GGA3: variants seen among roughly 807,000 people sequenced by gnomAD.
The protein encoded by GGA3 is ADP-ribosylation factor-binding protein GGA3.
In GGA3, 57 loss-of-function variants were observed where a neutral mutation model predicts 77.5. That is an observed-to-expected ratio of 0.74 (90% CI 0.59 to 0.92). GGA3 has a LOEUF of 0.92. Ranked by LOEUF, GGA3 falls within the 40% of genes least tolerant of loss-of-function variation. The probability of loss-of-function intolerance (pLI) is 0.00; values close to 1 mark genes in which losing one functional copy is unlikely to be tolerated. For synonymous variants in GGA3, 416 were observed against 383.7 expected (o/e 1.08, Z -0.98); for missense variants, 970 against 914.9 (o/e 1.06, Z -0.78).
In GGA3 at chr17:75,243,435, G is replaced by A. The variant is rs1333190574; in HGVS notation, c.424+12C>T. On this transcript the variant is annotated intron_variant, in intron 5 of 16. Coordinates refer to ENST00000537686, the MANE Select transcript of GGA3 (RefSeq NM_138619.4). ...AGGGCTGCCTGGAGGCTGCGGGCAG[G>A]CAGACACGTACCCTGTCTCTTCAGC... 2 of 1,613,882 alleles carry A rather than the reference G, an allele frequency of 1.2e-6. No individual in the cohort carries two copies. The highest frequency in any genetic ancestry group is 1.3e-5 in the African/African-American group (1 of 75,034).
rs767252545 is a variant in GGA3, at chr17:75,241,022, CGAT to C, written c.979_981del (p.Ile327del). The C allele has an allele frequency of 6.2e-7, 1 of 1,614,074 alleles. No individual in the cohort carries two copies. Among genetic ancestry groups the C allele is most frequent in the East Asian group, 2.2e-5 (1 of 44,860 alleles). ...TTGGTCGTGTCCAGCTCCGCAAGGTCGATGAGCGTGCCTTGGTTACTGCACTGA... is the reference window on the plus strand; with the variant it reads ...TTGGTCGTGTCCAGCTCCGCAAGGTCGAGCGTGCCTTGGTTACTGCACTGA... On this transcript the variant is annotated inframe_deletion, in exon 11 of 17. Transcript: ENST00000537686.
chr17:75,242,969 A>AC, intron 6 of GGA3, 58 bp from the exon 7 acceptor site: 1 of 1,500,736 alleles, frequency 6.7e-7, no homozygotes, highest in Non-Finnish European at 9.3e-7. Flanking sequence ...CCCCAGGGAA[A>AC]CCCCAGAGGC....
intron 1 of GGA3, among the ~76,000 whole-genome samples, chr17:75,249,746 T>C (rs867539751): frequency 5.8e-4 from 89 of 152,294 alleles, no homozygotes; most frequent in African/African-American, 2.0e-3. Context: ...TCACTTTCAC[T>C]TTTTGCACGG....
chr17:75,246,641 C>T (rs1321285150), intron 2 of GGA3, 57 bp from the exon 3 acceptor site: 13 of 1,589,856 alleles, frequency 8.2e-6, no homozygotes, highest in Middle Eastern at 1.7e-4. Context: ...CCTGGCTGGC[C>T]CTCCTTGGCC....
chr17:75,261,353 A>G (rs1190703109), intron 1 of GGA3, among the ~76,000 whole-genome samples, 195 bp downstream of exon 1: 1 of 152,188 alleles, frequency 6.6e-6, no homozygotes, highest in Non-Finnish European at 1.5e-5. Flanking sequence ...CGCCGCAGCG[A>G]GGGAAGCGGG....
At position 75,240,938 on chromosome 17, in the gene GGA3, G is replaced by A. The variant is rs1326714715; in HGVS notation, c.1066C>T (p.Leu356Phe). The A allele has an allele frequency of 1.9e-6, 3 of 1,614,096 alleles. No individual in the cohort carries two copies. Among genetic ancestry groups the A allele is most frequent in the South Asian group, 1.1e-5 (1 of 91,080 alleles). ...CCTGAGGCCTGGGGTGGTGGAGGGA[G>A]GATTGGGATGCCTGAGGAGGGTGGA... ...PTPPSSGIPI[L>F]PPPPQASGPP... The change falls in exon 11 of 17, where the codon CTC (leucine) becomes TTC (phenylalanine). Residue 356 changes from leucine (L) to phenylalanine (F), a missense_variant. Physicochemically the swap from Leu to Phe is conservative, Grantham distance 22 (BLOSUM62 0). Transcript: ENST00000537686.
Position 75,239,418 on chromosome 17 carries a change from G to T in GGA3, c.1737C>A (p.Leu579=), listed in dbSNP as rs1421516184. ...GGGGCACGTGGATGCTGGCCAGGGA[G>T]AGCTCAGGCCCCTTCGGGGGGCTGC... is the stretch of plus-strand genomic sequence containing the variant. ...SQGSPPKGPE[L]SLASIHVPLE... is the part of the protein sequence containing the mutation. Residue 579 remains leucine (L), a synonymous_variant, in exon 14 of 17, where the codon CTC becomes CTA. Coordinates refer to ENST00000537686, the MANE Select transcript of GGA3 (RefSeq NM_138619.4). The T allele has an allele frequency of 4.5e-6, 7 of 1,570,174 alleles. 1 individual carries two copies. The East Asian group carries it at 1.6e-4, about 35-fold the overall frequency.
intron 5 of GGA3, 84 bp from the exon 6 acceptor site, chr17:75,243,250 G>T: frequency 1.7e-6 from 2 of 1,176,224 alleles, no homozygotes; most frequent in South Asian, 1.4e-5. Flanking sequence ...ACGTCCCTGT[G>T]ATCAAGACCT....
Position 75,258,825 on chromosome 17 carries a change from G to GTTT in GGA3, c.40+2720_40+2722dup, listed in dbSNP as rs141849647. Among the ~76,000 whole-genome samples the GTTT allele has an allele frequency of 6.1e-3, 904 of 148,380 alleles. 3 individuals carry two copies. The highest frequency in any genetic ancestry group is 7.8e-3 in the Non-Finnish European group (520 of 67,090). On this transcript the variant is annotated intron_variant, in intron 1 of 16. Coordinates refer to ENST00000537686, the MANE Select transcript of GGA3 (RefSeq NM_138619.4). ...TGCTCTCTCCACATCACCATCTAGT[G>GTTT]TTTTTTTTTTTCCAACTTTTCCCAT...
chr17:75,240,997 T>C lies in GGA3; in HGVS notation c.1007A>G (p.Asn336Ser), dbSNP rs1233810794. 3 of 1,613,874 alleles carry C rather than the reference T, an allele frequency of 1.9e-6. No homozygotes were observed. The highest frequency in any genetic ancestry group is 1.7e-6 in the Non-Finnish European group (2 of 1,179,920). Residue 336 changes from asparagine to serine, a missense_variant, in exon 11 of 17, where the codon AAC becomes AGC. Transcript: ENST00000537686. ...TGGGGCCAACACGGAGGACAAACTG[T>C]TGGTCGTGTCCAGCTCCGCAAGGTC... ...LIDLAELDTT[N>S]SLSSVLAPAP...
At chr17:75,242,514 T>C in intron 7 of GGA3, 41 bp from the exon 8 acceptor site, 1 of 1,612,536 alleles carries the variant, frequency 6.2e-7, no homozygotes, top group East Asian at 2.2e-5. Context: ...GAGCGTCACT[T>C]GACTGTCTTT....
chr17:75,240,160 C>CG, intron 12 of GGA3, 52 bp from the exon 13 acceptor site: 1 of 1,309,808 alleles, frequency 7.6e-7, no homozygotes, highest in Non-Finnish European at 1.1e-6. Flanking sequence ...GAGGGCCTGC[C>CG]GCTGGAACGG....
chr17:75,242,378 G>T lies in GGA3; in HGVS notation c.705C>A (p.Tyr235Ter). The T allele has an allele frequency of 6.2e-7, 1 of 1,614,188 alleles. No homozygotes were observed. Among genetic ancestry groups the T allele is most frequent in the Non-Finnish European group, 8.5e-7 (1 of 1,180,004 alleles). Residue 235 changes from tyrosine (Y) to a stop codon, truncating the protein, a stop_gained, in exon 8 of 17, where the codon TAC (tyrosine) becomes TAA (stop). Transcript: ENST00000537686. LOFTEE classifies it high-confidence loss of function. ...CCCCGTCCGAAGAGTCCTCCTGGCT[G>T]TAATGAAGCAGCATCTCACTGAGCA... is the stretch of plus-strand genomic sequence containing the variant. ...VRLLSEMLLH[Y>*]SQEDSSDGDR...
chr17:75,252,072 GT>G lies in GGA3; in HGVS notation c.41-5277del, dbSNP rs372452392. Among the ~76,000 whole-genome samples, 229 of 141,438 alleles carry G rather than the reference GT, an allele frequency of 1.6e-3. 1 individual carries two copies. Among genetic ancestry groups the G allele is most frequent in the Admixed American group, 3.1e-3 (44 of 14,150 alleles). The allele number at this position is 141,438 out of a possible 152,430, so 92.8% of individuals were successfully genotyped here. A position where few individuals can be genotyped will look rare whatever the true frequency, so the allele number is the denominator to read the frequency against. On this transcript the variant is annotated intron_variant, in intron 1 of 16. Coordinates refer to ENST00000537686, the MANE Select transcript of GGA3 (RefSeq NM_138619.4). ...TGAGTCCCAGTGCCTGGCGTCTTTC[GT>G]TTTTTTTTTTCTTTTTTGTTGTTTG...
rs2076699453 is a variant in GGA3 at position 75,244,818 on chromosome 17, G to A, written c.202-101C>T. 14 of 764,548 alleles carry A rather than the reference G, an allele frequency of 1.8e-5. 1 individual carries two copies. The highest frequency in any genetic ancestry group is 1.2e-4 in the South Asian group (8 of 68,938). The allele number at this position is 764,548 out of a possible 1,614,324, so 47.4% of individuals were successfully genotyped here. A position where few individuals can be genotyped will look rare whatever the true frequency, so the allele number is the denominator to read the frequency against. Reference sequence around the variant, plus strand: ...CACCCAGAGAGTACTGAATAAACACGCCCACAGGAAGGAGCTCATCACGAA... The same window carrying A: ...CACCCAGAGAGTACTGAATAAACACACCCACAGGAAGGAGCTCATCACGAA... On this transcript the variant is annotated intron_variant, in intron 3 of 16. Coordinates refer to ENST00000537686, the MANE Select transcript of GGA3 (RefSeq NM_138619.4).
intron 1 of GGA3, among the ~76,000 whole-genome samples, chr17:75,252,273 C>T (rs532917092): frequency 1.4e-4 from 21 of 151,666 alleles, no homozygotes; most frequent in Admixed American, 1.3e-4. Flanking sequence ...TCTATTGCCC[C>T]GGGCTGCAGT....
chr17:75,255,855 C>T (rs937192837), intron 1 of GGA3, among the ~76,000 whole-genome samples: 7 of 152,372 alleles, frequency 4.6e-5, no homozygotes, highest in African/African-American at 7.2e-5. Flanking sequence ...TTGCACCCGT[C>T]ATCCCAGCCT....
Position 75,244,469 on chromosome 17 carries a change from G to A in GGA3, c.300+150C>T, listed in dbSNP as rs56383188. ...TCCCTGTGGCCTGTTTGGTCATCCC[G>A]TTACCTCCAGGGCCTAGCTCTCTAA... On this transcript the variant is annotated intron_variant, in intron 4 of 16. Transcript: ENST00000537686. The A allele has an allele frequency of 1.1e-3, 726 of 663,922 alleles. 5 individuals are homozygous for A. Among genetic ancestry groups the A allele is most frequent in the African/African-American group, 9.9e-3 (551 of 55,692 alleles). The allele number at this position is 663,922 out of a possible 1,614,324, so 41.1% of individuals were successfully genotyped here.
rs1284784842 is a variant in GGA3, at chr17:75,236,922, C to T, written c.*1357G>A. The T allele has an allele frequency of 1.2e-5, 2 of 160,562 alleles. No homozygotes were observed. Among genetic ancestry groups the T allele is most frequent in the African/African-American group, 4.8e-5 (2 of 41,582 alleles). The allele number at this position is 160,562 out of a possible 1,614,324, so 9.9% of individuals were successfully genotyped here. Reference sequence around the variant, plus strand: ...AGCGAGGGGCAGGGAAGGGATATGACCTCTTCCCATAGTAAGGAATAAGGA... The same window carrying T: ...AGCGAGGGGCAGGGAAGGGATATGATCTCTTCCCATAGTAAGGAATAAGGA... On this transcript the variant is annotated 3_prime_UTR_variant, in exon 17 of 17. Transcript: ENST00000537686.
Sources: gnomAD v4.1 joint callset for allele counts (sites outside exome capture counted in the v4.1 genomes callset) on GRCh38, gnomAD v4.1.1 for gene constraint, MANE v1.5 for transcripts, NCBI Gene and HGNC (gene_info 2026-07-23, HGNC 2026-07-21) for gene names.